The following CRIM1 variants were observed in gnomAD, a reference collection of about 807,000 sequenced individuals.
CRIM1 encodes the protein cysteine rich transmembrane BMP regulator 1, also known as cysteine-rich motor neuron 1 protein.
Under a neutral mutation model 116.4 loss-of-function variants are expected in CRIM1, and 32 were observed. The observed-to-expected ratio is 0.27, with a 90% CI of 0.21 to 0.37. The LOEUF (loss-of-function observed/expected upper bound fraction) is 0.37. Ranked by LOEUF, CRIM1 falls within the 10% of genes least tolerant of loss-of-function variation. The pLI is 1.00. For synonymous variants in CRIM1, 590 were observed against 509.2 expected, an observed-to-expected ratio of 1.16 and a Z score of -2.13; for missense variants, 1,331 against 1,354.8, an observed-to-expected ratio of 0.98 and a Z score of 0.28.
chr2:36,528,344 A>G (rs1168764451), intron 13 of CRIM1, among the ~76,000 whole-genome samples: 2 of 152,140 alleles, frequency 1.3e-5, no homozygotes, highest in African/African-American at 4.8e-5. Flanking sequence ...AGCCCATGTC[A>G]CTTTGGTCAC....
intron 14 of CRIM1, among the ~76,000 whole-genome samples, chr2:36,543,425 T>C (rs1224365817): frequency 6.6e-6 from 1 of 152,248 alleles, no homozygotes; most frequent in East Asian, 1.9e-4. Context: ...TATATACTTA[T>C]ACTGTATATT....
chr2:36,499,650 C>T (rs1176048800), intron 8 of CRIM1, among the ~76,000 whole-genome samples: 1 of 152,032 alleles, frequency 6.6e-6, no homozygotes, highest in East Asian at 1.9e-4. Flanking sequence ...GTACACTTGC[C>T]AGGTCATCCA....
chr2:36,493,244 AAAG>A (rs1244816499), intron 7 of CRIM1, among the ~76,000 whole-genome samples: 2 of 152,122 alleles, frequency 1.3e-5, no homozygotes, highest in South Asian at 4.1e-4. Flanking sequence ...CCTCATCTCG[AAAG>A]AAGAAGAAGA....
chr2:36,357,620 C>T (rs972368516), intron 1 of CRIM1, among the ~76,000 whole-genome samples: 5 of 152,244 alleles, frequency 3.3e-5, no homozygotes, highest in African/African-American at 1.2e-4. Flanking sequence ...TTTGATGTGG[C>T]TAACGGGGGC....
At chr2:36,376,885 G>A (rs1285622522) in intron 1 of CRIM1, among the ~76,000 whole-genome samples, 2 of 152,170 alleles carry the variant, frequency 1.3e-5, no homozygotes, top group Non-Finnish European at 2.9e-5. Context: ...TATAGCATTT[G>A]GGGGATGGAG....
At chr2:36,438,030 G>A (rs1419236031) in intron 2 of CRIM1, among the ~76,000 whole-genome samples, 1 of 151,806 alleles carries the variant, frequency 6.6e-6, no homozygotes, top group Non-Finnish European at 1.5e-5. Context: ...TACTCAGGAG[G>A]CTGGGACAGA....
rs755343317 is a variant in CRIM1, at chr2:36,499,292, C to T, written c.1446C>T (p.Cys482=). 4.3e-6 allele frequency: 7 copies of T among 1,613,854 alleles called. No individual in the cohort carries two copies. Among genetic ancestry groups the T allele is most frequent in the Admixed American group, 1.7e-5 (1 of 60,002 alleles). Residue 482 remains cysteine (C), a synonymous_variant, in exon 8 of 17, where the codon TGC becomes TGT. Coordinates refer to ENST00000280527, the MANE Select transcript of CRIM1 (RefSeq NM_016441.3). ...ACTGCACTCTGACAGGGAAGGACTGCATTAATGGTTTCAAACGCGATCACA... is the reference window on the plus strand; with the variant it reads ...ACTGCACTCTGACAGGGAAGGACTGTATTAATGGTTTCAAACGCGATCACA... ...LSNCTLTGKD[C]INGFKRDHNG...
intron 2 of CRIM1, among the ~76,000 whole-genome samples, chr2:36,421,846 A>C (rs565949935): frequency 6.6e-6 from 1 of 151,632 alleles, no homozygotes; most frequent in South Asian, 2.1e-4. Flanking sequence ...AATTGCCTTC[A>C]GTGTTTGCAG....
intron 1 of CRIM1, among the ~76,000 whole-genome samples, chr2:36,395,474 A>G (rs1327617462): frequency 6.6e-6 from 1 of 152,188 alleles, no homozygotes. Context: ...GTTAAAGATA[A>G]TGTTAAGTGT....
intron 1 of CRIM1, among the ~76,000 whole-genome samples, chr2:36,365,756 A>G (rs1669550646): frequency 8.1e-6 from 1 of 123,832 alleles, no homozygotes; most frequent in South Asian, 2.5e-4. Flanking sequence ...TTTTTTTGAG[A>G]CAGAGTCTCA....
At chr2:36,360,890 G>T (rs1669182807) in intron 1 of CRIM1, among the ~76,000 whole-genome samples, 2 of 152,184 alleles carry the variant, frequency 1.3e-5, no homozygotes, top group African/African-American at 4.8e-5. Flanking sequence ...GGAATAATGG[G>T]TTTCATTTTT....
At chr2:36,483,225 C>T (rs1202498708) in intron 7 of CRIM1, among the ~76,000 whole-genome samples, 2 of 152,044 alleles carry the variant, frequency 1.3e-5, no homozygotes, top group Admixed American at 6.6e-5. Flanking sequence ...AGGGTGGAAA[C>T]GTGTGGAATA....
At chr2:36,546,587 C>T (rs772751765) in intron 15 of CRIM1, among the ~76,000 whole-genome samples, 8 of 152,006 alleles carry the variant, frequency 5.3e-5, no homozygotes, top group Non-Finnish European at 1.0e-4. Flanking sequence ...CTCCTGTTTG[C>T]CAATAAATCA....
At chr2:36,533,148 A>G (rs1666228543) in intron 13 of CRIM1, among the ~76,000 whole-genome samples, 1 of 152,162 alleles carries the variant, frequency 6.6e-6, no homozygotes, top group African/African-American at 2.4e-5. Context: ...TACAGTGACT[A>G]TTATTTTAAT....
At chr2:36,546,852 A>AAT in intron 15 of CRIM1, 132 bp from the exon 16 acceptor site, 1 of 558,306 alleles carries the variant, frequency 1.8e-6, no homozygotes, top group Non-Finnish European at 3.1e-6. Context: ...ATTAGATTTT[A>AAT]ATCACATTTT....
intron 1 of CRIM1, among the ~76,000 whole-genome samples, chr2:36,359,430 C>T (rs1208005221): frequency 6.6e-6 from 1 of 152,114 alleles, no homozygotes; most frequent in Non-Finnish European, 1.5e-5. Flanking sequence ...AAAAAAATTA[C>T]GTTTTTAACT....
chr2:36,412,595 C>G lies in CRIM1; in HGVS notation c.505+15808C>G, dbSNP rs534325430. Among the ~76,000 whole-genome samples, 4 of 152,136 alleles carry G rather than the reference C, an allele frequency of 2.6e-5. No individual in the cohort carries two copies. The South Asian group carries it at 8.3e-4, about 32-fold the overall frequency. ...TTGTGTATTCCTCAGTCATACTAAC[C>G]TTTGTATCAAGATTTTTGCCATATG... On this transcript the variant is annotated intron_variant, in intron 2 of 16. Transcript: ENST00000280527.
At chr2:36,526,408 T>C (rs143453536) in intron 13 of CRIM1, among the ~76,000 whole-genome samples, 2 of 152,242 alleles carry the variant, frequency 1.3e-5, no homozygotes, top group Non-Finnish European at 2.9e-5. Flanking sequence ...TACTTAGCCA[T>C]GCAAGAGTGT....
intron 1 of CRIM1, among the ~76,000 whole-genome samples, chr2:36,376,934 G>GT (rs1252534886): frequency 6.6e-6 from 1 of 152,178 alleles, no homozygotes; most frequent in Non-Finnish European, 1.5e-5. Flanking sequence ...ATGTGTCTGT[G>GT]TATCACTCTC....
Sources: gnomAD v4.1 joint callset for allele counts (sites outside exome capture counted in the v4.1 genomes callset) on GRCh38, gnomAD v4.1.1 for gene constraint, MANE v1.5 for transcripts, NCBI Gene and HGNC (gene_info 2026-07-23, HGNC 2026-07-21) for gene names.